The following EIF3D variants were observed in gnomAD, a reference collection of about 807,000 sequenced individuals.
The protein encoded by EIF3D is eIF3 p66.
A neutral mutation model predicts 75.4 loss-of-function variants in EIF3D; 10 were observed. The ratio of observed to expected loss-of-function variants is 0.13; its 90% CI spans 0.08 to 0.22. The LOEUF (loss-of-function observed/expected upper bound fraction) is 0.22, where lower values mean the gene tolerates loss of function less well. EIF3D is among the 10% of genes least tolerant of loss of function. EIF3D has a pLI of 1.00. For missense variants in EIF3D, 394 were observed against 708.0 expected (o/e 0.56, Z 5.03); for synonymous variants, 246 against 248.3 (o/e 0.99, Z 0.09).
Position 36,526,501 on chromosome 22 carries a change from A to G in EIF3D, c.-10-370T>C, listed in dbSNP as rs150967956. Among the ~76,000 whole-genome samples the G allele has an allele frequency of 1.8e-3, 267 of 152,268 alleles. 2 individuals carry two copies. Among genetic ancestry groups the G allele is most frequent in the African/African-American group, 6.1e-3 (254 of 41,550 alleles). On this transcript the variant is annotated intron_variant, in intron 1 of 14. Transcript: ENST00000216190. Reference sequence around the variant, plus strand: ...AAATTTAATGGTGTCAGATTTGATAAAATGTCCTAATGTTTTTTCAAATAT... The same window carrying G: ...AAATTTAATGGTGTCAGATTTGATAGAATGTCCTAATGTTTTTTCAAATAT...
intron 9 of EIF3D, among the ~76,000 whole-genome samples, chr22:36,518,325 C>T (rs574160901): frequency 6.6e-6 from 1 of 151,978 alleles, no homozygotes; most frequent in South Asian, 2.1e-4. Flanking sequence ...ACCGTCTCTA[C>T]TAAAAATATA....
chr22:36,517,471 A>T, intron 9 of EIF3D, 40 bp from the exon 10 acceptor site: 1 of 1,585,314 alleles, frequency 6.3e-7, no homozygotes, highest in Non-Finnish European at 8.6e-7. Context: ...TGCAACAAAG[A>T]GTCACTGACA....
chr22:36,515,266 C>T (rs1375075913), intron 12 of EIF3D, among the ~76,000 whole-genome samples: 3 of 152,228 alleles, frequency 2.0e-5, no homozygotes, highest in Non-Finnish European at 2.9e-5. Flanking sequence ...CTGTGGCTCA[C>T]GCCTGTAATC....
At chr22:36,525,859 C>T (rs1898940760) in intron 2 of EIF3D, 140 bp downstream of exon 2, 2 of 1,456,528 alleles carry the variant, frequency 1.4e-6, no homozygotes, top group Admixed American at 2.2e-5. Context: ...TCTATGACTA[C>T]ACCCAGAGAT....
chr22:36,517,225 A>G lies in EIF3D; in HGVS notation c.990+76T>C, dbSNP rs368630022. 8.9e-5 allele frequency: 142 copies of G among 1,600,636 alleles called. No homozygotes were observed. In the East Asian group the frequency reaches 2.1e-3, roughly 24 times the overall value. ...TGCTCAGTCCCACAACCAAGAGCCT[A>G]GCACAAAGCAGATGCTCCACAAACA... On this transcript the variant is annotated intron_variant, in intron 10 of 14. Transcript: ENST00000216190.
intron 6 of EIF3D, among the ~76,000 whole-genome samples, chr22:36,520,986 G>A (rs1266355755): frequency 1.3e-5 from 2 of 152,138 alleles, no homozygotes; most frequent in Non-Finnish European, 2.9e-5. Context: ...GATCACCTGA[G>A]GTCAGGAGTT....
intron 1 of EIF3D, among the ~76,000 whole-genome samples, chr22:36,526,549 G>C (rs1934604213): frequency 6.6e-6 from 1 of 151,706 alleles, no homozygotes; most frequent in Non-Finnish European, 1.5e-5. Flanking sequence ...TTGGTTCTGA[G>C]ATATACCTTC....
intron 9 of EIF3D, among the ~76,000 whole-genome samples, chr22:36,518,505 A>AC (rs1318381990): frequency 1.3e-5 from 2 of 151,394 alleles, no homozygotes; most frequent in Non-Finnish European, 3.0e-5. Flanking sequence ...AAAAAAAAAA[A>AC]AAAACAACAA....
At chr22:36,515,118 T>C (rs1934402270) in intron 12 of EIF3D, among the ~76,000 whole-genome samples, 1 of 152,212 alleles carries the variant, frequency 6.6e-6, no homozygotes, top group South Asian at 2.1e-4. Flanking sequence ...TTAAACCTCT[T>C]TTCTTTATAA....
At chr22:36,527,841 G>A (rs1330881554) in intron 1 of EIF3D, among the ~76,000 whole-genome samples, 2 of 152,192 alleles carry the variant, frequency 1.3e-5, no homozygotes, top group Admixed American at 1.3e-4. Flanking sequence ...TTGGAGGCTG[G>A]AGAGCAATCA....
At chr22:36,525,239 CTTTTTTTTTTT>C (rs10709824) in intron 3 of EIF3D, among the ~76,000 whole-genome samples, 4 of 93,942 alleles carry the variant, frequency 4.3e-5, no homozygotes, top group African/African-American at 1.4e-4. Context: ...AGGGGTTTTA[CTTTTTTTTTTT>C]TTTTTTTTTT....
chr22:36,519,666 GGA>G (rs1934482015), intron 7 of EIF3D, 129 bp from the exon 8 acceptor site: 4 of 1,297,142 alleles, frequency 3.1e-6, no homozygotes, highest in Admixed American at 4.6e-5. Flanking sequence ...GGCCAGAGCA[GGA>G]GAGACGAATC....
chr22:36,512,722 C>T (rs1384487555), intron 12 of EIF3D, 120 bp from the exon 13 acceptor site: 2 of 1,139,460 alleles, frequency 1.8e-6, no homozygotes, highest in African/African-American at 1.6e-5. Context: ...TAGGTACGCA[C>T]TAAATCTTAC....
intron 1 of EIF3D, among the ~76,000 whole-genome samples, 174 bp from the exon 2 acceptor site, chr22:36,526,305 T>C (rs1395531486): frequency 2.0e-5 from 3 of 152,206 alleles, no homozygotes; most frequent in Non-Finnish European, 4.4e-5. Flanking sequence ...ACTGTGAATA[T>C]GTACTTAAAA....
At chr22:36,511,149 G>T in intron 14 of EIF3D, 149 bp from the exon 15 acceptor site, 2 of 1,030,462 alleles carry the variant, frequency 1.9e-6, no homozygotes, top group Non-Finnish European at 2.7e-6. Flanking sequence ...GGCTGGGCAG[G>T]TATTTCCTTC....
chr22:36,511,500 C>T lies in EIF3D; in HGVS notation c.1633+3G>A, dbSNP rs1334953978. ...AGACCTCAGAAAGTGGGCTGCTACACACCTTCTTCTTCCTCTTCTTCCTCC... is the reference window on the plus strand; with the variant it reads ...AGACCTCAGAAAGTGGGCTGCTACATACCTTCTTCTTCCTCTTCTTCCTCC... On this transcript the variant is annotated splice_donor_region_variant and intron_variant, in intron 14 of 14. Transcript: ENST00000216190. The T allele has an allele frequency of 6.2e-7, 1 of 1,613,874 alleles. No homozygotes were observed. The highest frequency in any genetic ancestry group is 1.1e-5 in the South Asian group (1 of 91,054).
chr22:36,524,036 G>T, intron 4 of EIF3D, 56 bp from the exon 5 acceptor site: 1 of 1,564,402 alleles, frequency 6.4e-7, no homozygotes, highest in Non-Finnish European at 8.8e-7. Flanking sequence ...GCTCACAATA[G>T]GCAGAACAAG....
chr22:36,518,325 C>G (rs574160901), intron 9 of EIF3D, among the ~76,000 whole-genome samples: 1 of 151,860 alleles, frequency 6.6e-6, no homozygotes, highest in Non-Finnish European at 1.5e-5. Context: ...ACCGTCTCTA[C>G]TAAAAATATA....
At chr22:36,522,023 T>C (rs1934521696) in intron 6 of EIF3D, among the ~76,000 whole-genome samples, 1 of 151,840 alleles carries the variant, frequency 6.6e-6, no homozygotes, top group African/African-American at 2.4e-5. Flanking sequence ...AGTACATGGG[T>C]CTACTTAATA....
Sources: gnomAD v4.1 joint callset for allele counts (sites outside exome capture counted in the v4.1 genomes callset) on GRCh38, gnomAD v4.1.1 for gene constraint, MANE v1.5 for transcripts, NCBI Gene and HGNC (gene_info 2026-07-23, HGNC 2026-07-21) for gene names.